The following ZNF518B variants were observed in gnomAD, a reference collection of about 807,000 sequenced individuals.
ZNF518B encodes the protein zinc finger protein 518B.
ZNF518B carries 23 observed loss-of-function variants against 56.3 expected under a neutral mutation model. That is an observed-to-expected ratio of 0.41 (90% CI 0.29 to 0.58). ZNF518B has a LOEUF of 0.58. Ranked by LOEUF, ZNF518B falls within the 20% of genes least tolerant of loss-of-function variation. The pLI is 0.32. For synonymous variants in ZNF518B, 529 were observed against 465.9 expected (o/e 1.14, Z -1.74); for missense variants, 1,460 against 1,272.1 (o/e 1.15, Z -2.25).
chr4:10,446,187 A>G lies in ZNF518B; in HGVS notation c.142T>C (p.Ser48Pro), dbSNP rs1484704253. The change falls in exon 3 of 3, where the codon TCA (serine) becomes CCA (proline). Residue 48 changes from serine to proline, a missense_variant. Ser to Pro is a moderately conservative substitution (Grantham distance 74). Transcript: ENST00000326756. The part of the protein sequence containing the change: ...QEAQTLLYQG[S>P]EAEAAMMTIA... The stretch of plus-strand genomic sequence containing the variant: ...GTCATCATGGCAGCCTCTGCCTCTG[A>G]GCCTTGATACAAAAGGGTTTGTGCT... The G allele has an allele frequency of 2.5e-6, 4 of 1,614,182 alleles. No individual in the cohort carries two copies. Among genetic ancestry groups the G allele is most frequent in the South Asian group, 2.2e-5 (2 of 91,074 alleles).
upstream of ZNF518B, among the ~76,000 whole-genome samples, chr4:10,459,257 T>C (rs1000574592): frequency 3.3e-5 from 5 of 152,084 alleles, no homozygotes; most frequent in Admixed American, 6.5e-5. Flanking sequence ...CTTTGTGGAG[T>C]GTCTGGAAAT....
Position 10,444,116 on chromosome 4 carries a change from T to C in ZNF518B, c.2213A>G (p.Gln738Arg), listed in dbSNP as rs370609916. The C allele has an allele frequency of 8.7e-5, 141 of 1,614,118 alleles. 1 individual carries two copies. The highest frequency in any genetic ancestry group is 1.2e-4 in the Non-Finnish European group (138 of 1,180,046). The change falls in exon 3 of 3, where the codon CAG becomes CGG. Residue 738 changes from glutamine to arginine, a missense_variant. By Grantham distance (43) the Gln-to-Arg change is conservative. Coordinates refer to ENST00000326756, the MANE Select transcript of ZNF518B (RefSeq NM_053042.3). ...TGGATATATTTGTTGATGAGTAAGC[T>C]GTCTATTACCAGTAATACCACCATC... Reference protein sequence around the residue: ...PNDGGITGNRQLTHQQIYPHF... With the variant: ...PNDGGITGNRRLTHQQIYPHF...
At position 10,441,374 on chromosome 4, in the gene ZNF518B, CTG is replaced by C. The variant is rs998577709; in HGVS notation, c.*1728_*1729del. 1.0e-4 allele frequency: 15 copies of C among 148,170 alleles called. No individual in the cohort carries two copies. The highest frequency in any genetic ancestry group is 3.5e-4 in the African/African-American group (14 of 39,754). The allele number at this position is 148,170 out of a possible 1,614,324, so 9.2% of individuals were successfully genotyped here. A position where few individuals can be genotyped will look rare whatever the true frequency, so the allele number is the denominator to read the frequency against. On this transcript the variant is annotated 3_prime_UTR_variant, in exon 3 of 3. Transcript: ENST00000326756. The stretch of plus-strand genomic sequence containing the variant: ...ATTATACAAAAGAAATGTTGATTAT[CTG>C]TAATGAGAACAAACTGCAAAGGATT...
chr4:10,444,804 C>G lies in ZNF518B; in HGVS notation c.1525G>C (p.Ala509Pro), dbSNP rs1363657482. The change falls in exon 3 of 3, where the codon GCT becomes CCT. Residue 509 changes from alanine (A) to proline (P), a missense_variant. Physicochemically the swap from Ala to Pro is conservative, Grantham distance 27. Coordinates refer to ENST00000326756, the MANE Select transcript of ZNF518B (RefSeq NM_053042.3). ...CCACTTTCAGCAAAACAAACAGCAG[C>G]TTTATATGGAAAAGGGTTTGATGCA... ...GAASNPFPYK[A>P]AVCFAESGRN... is the part of the protein sequence containing the mutation. The G allele has an allele frequency of 6.2e-7, 1 of 1,613,914 alleles. No homozygotes were observed. The highest frequency in any genetic ancestry group is 1.7e-5 in the Admixed American group (1 of 59,962).
At chr4:10,451,767 A>G (rs145063317) in intron 2 of ZNF518B, 1 of 152,322 alleles carries the variant, frequency 6.6e-6, no homozygotes, top group African/African-American at 2.4e-5. Flanking sequence ...ATTTATAATT[A>G]CCATAGAAAA....
chr4:10,453,475 G>A (rs1156752609), intron 2 of ZNF518B: 1 of 151,952 alleles, frequency 6.6e-6, no homozygotes, highest in African/African-American at 2.4e-5. Flanking sequence ...AACAAAGGAA[G>A]TGATATTATA....
At chr4:10,456,990 C>T (rs1195538133) in intron 1 of ZNF518B, 1 of 150,050 alleles carries the variant, frequency 6.7e-6, no homozygotes, top group Non-Finnish European at 1.5e-5. Flanking sequence ...GGTCGCGGCG[C>T]ACAAAGGCGA....
Position 10,446,486 on chromosome 4 carries a change from G to A in ZNF518B, c.-158C>T. On this transcript the variant is annotated 5_prime_UTR_variant, in exon 3 of 3. Coordinates refer to ENST00000326756, the MANE Select transcript of ZNF518B (RefSeq NM_053042.3). ...TCTTTCTTTATATACTGCCGCAGTA[G>A]GTGCATGATCCCAAAATATGACTGC... 3.0e-6 allele frequency: 2 copies of A among 660,952 alleles called. No homozygotes were observed. Among genetic ancestry groups the A allele is most frequent in the Non-Finnish European group, 5.1e-6 (2 of 392,054 alleles). The allele number at this position is 660,952 out of a possible 1,614,324, so 40.9% of individuals were successfully genotyped here. A position where few individuals can be genotyped will look rare whatever the true frequency, so the allele number is the denominator to read the frequency against.
rs1463022471 is a variant in ZNF518B at position 10,444,660 on chromosome 4, T to G, written c.1669A>C (p.Ser557Arg). The G allele has an allele frequency of 5.6e-6, 9 of 1,614,232 alleles. No individual in the cohort carries two copies. Among genetic ancestry groups the G allele is most frequent in the Non-Finnish European group, 7.6e-6 (9 of 1,180,036 alleles). The change falls in exon 3 of 3, where the codon AGT becomes CGT. Residue 557 changes from serine to arginine, a missense_variant. Coordinates refer to ENST00000326756, the MANE Select transcript of ZNF518B (RefSeq NM_053042.3). ...PVSENDLEST[S>R]KVNIPVKVVS... ...ACTTTTACAGGAATATTGACTTTAC[T>G]TGTAGATTCCAAGTCATTTTCACTT...
At position 10,444,819 on chromosome 4, in the gene ZNF518B, G is replaced by C; in HGVS notation, c.1510C>G (p.Pro504Ala). The stretch of plus-strand genomic sequence containing the variant: ...CAAACAGCAGCTTTATATGGAAAAG[G>C]GTTTGATGCAGCTCCAAGACTACGT... Reference protein sequence around the residue: ...VLRSLGAASNPFPYKAAVCFA... With the variant: ...VLRSLGAASNAFPYKAAVCFA... The change falls in exon 3 of 3, where the codon CCT becomes GCT. Residue 504 changes from proline (P) to alanine (A), a missense_variant. Transcript: ENST00000326756. 1.2e-6 allele frequency: 2 copies of C among 1,614,010 alleles called. No homozygotes were observed. The highest frequency in any genetic ancestry group is 8.5e-7 in the Non-Finnish European group (1 of 1,179,972).
At chr4:10,453,872 G>A (rs942706213) in intron 2 of ZNF518B, 3 of 152,132 alleles carry the variant, frequency 2.0e-5, no homozygotes, top group Non-Finnish European at 4.4e-5. Context: ...CCTGTCATGT[G>A]CCCGGGATAT....
At chr4:10,453,463 G>A (rs1715407188) in intron 2 of ZNF518B, 1 of 151,878 alleles carries the variant, frequency 6.6e-6, no homozygotes, top group African/African-American at 2.4e-5. Context: ...TCTACATCAG[G>A]AAACAAAGGA....
chr4:10,448,134 C>T (rs371270017), intron 2 of ZNF518B, among the ~76,000 whole-genome samples: 19 of 152,288 alleles, frequency 1.2e-4, no homozygotes, highest in African/African-American at 4.6e-4. Context: ...AACAATTATC[C>T]AATTCCTCCC....
intron 1 of ZNF518B, among the ~76,000 whole-genome samples, chr4:10,455,529 A>G (rs1715490497): frequency 6.6e-6 from 1 of 152,350 alleles, no homozygotes; most frequent in Admixed American, 6.5e-5. Context: ...AGACAAAAAT[A>G]AAATGTTCTT....
intron 2 of ZNF518B, chr4:10,452,638 C>A (rs935064022): frequency 6.6e-6 from 1 of 152,136 alleles, no homozygotes; most frequent in Non-Finnish European, 1.5e-5. Flanking sequence ...TGGGCCATAA[C>A]TGAATTATGT....
rs1714612310 is a variant in ZNF518B at position 10,440,242 on chromosome 4, A to C, written c.*2862T>G. On this transcript the variant is annotated 3_prime_UTR_variant, in exon 3 of 3. Coordinates refer to ENST00000326756, the MANE Select transcript of ZNF518B (RefSeq NM_053042.3). ...TTACAAGATGTTCTCGACTGGGGAT[A>C]CAAAATTGAATATAATATAGTCTAT... The C allele has an allele frequency of 6.6e-6, 1 of 152,324 alleles. No individual in the cohort carries two copies. 9.4% of individuals were successfully genotyped at this position (152,324 alleles called of 1,614,324 possible).
In ZNF518B at chr4:10,444,873, G is replaced by C. The variant is rs1281477185; in HGVS notation, c.1456C>G (p.Leu486Val). ...ACACTGTTTTTAAATACAGATGCTA[G>C]AGAATGACCTTTTAAGGCAACGGAA... ...FPSVALKGHS[L>V]ASVFKNSVLR... Residue 486 changes from leucine to valine, a missense_variant, in exon 3 of 3, where the codon CTA becomes GTA. Transcript: ENST00000326756. 6.2e-6 allele frequency: 10 copies of C among 1,613,552 alleles called. No individual in the cohort carries two copies. The African/African-American group carries it at 6.7e-5, about 11-fold the overall frequency.
chr4:10,445,691 T>G lies in ZNF518B; in HGVS notation c.638A>C (p.His213Pro). Residue 213 changes from histidine to proline, a missense_variant, in exon 3 of 3, where the codon CAT becomes CCT. Transcript: ENST00000326756. ...TGGCCGTTTCGCACCTGCCCTTTCA[T>G]GTACTCTCTTCGTGTGTTTGACAAT... ...DYIVKHTKRV[H>P]ERAGAKRPVK... 1 of 1,614,208 alleles carries G rather than the reference T, an allele frequency of 6.2e-7. No homozygotes were observed. The highest frequency in any genetic ancestry group is 8.5e-7 in the Non-Finnish European group (1 of 1,180,040).
intron 2 of ZNF518B, chr4:10,451,954 AT>A (rs1055953742): frequency 1.5e-4 from 23 of 152,356 alleles, no homozygotes; most frequent in African/African-American, 5.0e-4. Flanking sequence ...TGGGTGGCCA[AT>A]TATATCGCAT....
Sources: allele counts gnomAD v4.1 joint callset (sites outside exome capture counted in the v4.1 genomes callset), GRCh38; gene constraint gnomAD v4.1.1; transcripts MANE v1.5; gene names NCBI Gene and HGNC (gene_info 2026-07-23, HGNC 2026-07-21).